The following VMP1 variants were observed in gnomAD, a reference collection of about 807,000 sequenced individuals.
The protein encoded by VMP1 is vacuole membrane protein 1.
A neutral mutation model predicts 56.0 loss-of-function variants in VMP1; 11 were observed. That is an observed-to-expected ratio of 0.20 (90% CI 0.12 to 0.32). The LOEUF (loss-of-function observed/expected upper bound fraction) is 0.32. Ranked by LOEUF, VMP1 falls within the 10% of genes least tolerant of loss-of-function variation. VMP1 has a pLI of 1.00. For missense variants in VMP1, 296 were observed against 490.3 expected, an observed-to-expected ratio of 0.60 and a Z score of 3.74; for synonymous variants, 149 against 165.0, an observed-to-expected ratio of 0.90 and a Z score of 0.74.
chr17:59,789,783 G>A (rs1284736018), intron 7 of VMP1, among the ~76,000 whole-genome samples: 2 of 146,754 alleles, frequency 1.4e-5, no homozygotes, highest in Non-Finnish European at 1.5e-5. Context: ...TCAATCTGCA[G>A]TTCTTTCTCT....
intron 5 of VMP1, among the ~76,000 whole-genome samples, chr17:59,760,247 A>G (rs2036001986): frequency 6.6e-6 from 1 of 152,138 alleles, no homozygotes; most frequent in African/African-American, 2.4e-5. Flanking sequence ...ACCTTATAAT[A>G]GTGTTCTTCA....
At chr17:59,713,675 C>T (rs2034023635) in intron 1 of VMP1, among the ~76,000 whole-genome samples, 1 of 146,532 alleles carries the variant, frequency 6.8e-6, no homozygotes, top group African/African-American at 2.6e-5. Flanking sequence ...TGGCAAAACC[C>T]CATCTCTCTT....
chr17:59,747,239 C>G (rs528161545), intron 5 of VMP1, among the ~76,000 whole-genome samples: 1 of 152,080 alleles, frequency 6.6e-6, no homozygotes, highest in Non-Finnish European at 1.5e-5. Flanking sequence ...AATAGTTTCT[C>G]GCATTCGTTC....
At chr17:59,800,452 G>T (rs1319322771) in intron 7 of VMP1, among the ~76,000 whole-genome samples, 1 of 152,180 alleles carries the variant, frequency 6.6e-6, no homozygotes, top group Non-Finnish European at 1.5e-5. Flanking sequence ...GGTGGCACAA[G>T]AGCTTCACAA....
intron 5 of VMP1, among the ~76,000 whole-genome samples, chr17:59,750,274 T>A (rs1262443719): frequency 5.9e-5 from 9 of 151,920 alleles, no homozygotes; most frequent in African/African-American, 2.2e-4. Context: ...TTTACTTAAA[T>A]TTAGACAAAA....
At chr17:59,743,661 G>A (rs1348373738) in intron 5 of VMP1, among the ~76,000 whole-genome samples, 1 of 150,248 alleles carries the variant, frequency 6.7e-6, no homozygotes, top group East Asian at 1.9e-4. Context: ...TAGATCCTGA[G>A]TATAATATAT....
chr17:59,754,064 C>T (rs927171027), intron 5 of VMP1, among the ~76,000 whole-genome samples: 5 of 152,026 alleles, frequency 3.3e-5, no homozygotes, highest in Non-Finnish European at 5.9e-5. Flanking sequence ...TTGTGAGATA[C>T]GTGCCCCTGT....
Position 59,839,917 on chromosome 17 carries a change from GA to G in VMP1, c.*9del. ...CAGAGGAGAAAACTAAATAAGTAGA[GA>G]AAGTTTTAAACTGCAGAAATTGGAG... On this transcript the variant is annotated 3_prime_UTR_variant, in exon 12 of 12. Coordinates refer to ENST00000262291, the MANE Select transcript of VMP1 (RefSeq NM_030938.5). 1 of 1,609,980 alleles carries G rather than the reference GA, an allele frequency of 6.2e-7. No homozygotes were observed. Among genetic ancestry groups the G allele is most frequent in the Non-Finnish European group, 8.5e-7 (1 of 1,179,242 alleles).
intron 7 of VMP1, among the ~76,000 whole-genome samples, chr17:59,792,890 T>A (rs1415700249): frequency 2.8e-5 from 3 of 106,184 alleles, no homozygotes; most frequent in Admixed American, 9.7e-5. Context: ...ATTATTATTA[T>A]TATCAGATGA....
chr17:59,759,534 C>T (rs2035965270), intron 5 of VMP1, among the ~76,000 whole-genome samples: 1 of 152,132 alleles, frequency 6.6e-6, no homozygotes, highest in Non-Finnish European at 1.5e-5. Context: ...ATCATTTGTT[C>T]CTATGAATCT....
intron 10 of VMP1, among the ~76,000 whole-genome samples, chr17:59,832,687 G>A (rs977423094): frequency 7.3e-5 from 11 of 150,630 alleles, no homozygotes; most frequent in Admixed American, 2.0e-4. Flanking sequence ...TTCGCCTCCC[G>A]GGTTCAAGCG....
At chr17:59,834,414 G>A (rs567658224) in intron 10 of VMP1, among the ~76,000 whole-genome samples, 80 of 152,178 alleles carry the variant, frequency 5.3e-4, no homozygotes, top group Non-Finnish European at 9.6e-4. Context: ...ACAGGCATGT[G>A]CCACCGTGCC....
chr17:59,809,073 C>T (rs1256425425), intron 8 of VMP1, among the ~76,000 whole-genome samples, 197 bp downstream of exon 8: 2 of 151,542 alleles, frequency 1.3e-5, no homozygotes, highest in East Asian at 3.9e-4. Flanking sequence ...GATCTCGGCT[C>T]ACTGCAACCT....
At chr17:59,806,904 T>G (rs2037860435) in intron 7 of VMP1, among the ~76,000 whole-genome samples, 1 of 152,120 alleles carries the variant, frequency 6.6e-6, no homozygotes, top group Non-Finnish European at 1.5e-5. Context: ...TTATATTGAC[T>G]GATCATATTT....
chr17:59,778,268 G>C (rs553951793), intron 7 of VMP1, among the ~76,000 whole-genome samples: 42 of 152,008 alleles, frequency 2.8e-4, no homozygotes, highest in Non-Finnish European at 5.7e-4. Context: ...AAGGCCGGGC[G>C]CAGTGGCTCA....
Position 59,822,108 on chromosome 17 carries a change from C to T in VMP1, c.974+4335C>T, listed in dbSNP as rs574123280. 3.9e-5 allele frequency among the ~76,000 whole-genome samples: 6 copies of T among 152,214 alleles called. No homozygotes were observed. The South Asian group carries it at 1.2e-3, about 32-fold the overall frequency. ...CCGCCCACCTCAGCCTTCCAAAGTG[C>T]TGCGATTACAAGAGTGAGCCACTGT... On this transcript the variant is annotated intron_variant, in intron 10 of 11. Coordinates refer to ENST00000262291, the MANE Select transcript of VMP1 (RefSeq NM_030938.5).
intron 8 of VMP1, 42 bp from the exon 9 acceptor site, chr17:59,811,628 C>T: frequency 6.9e-7 from 1 of 1,441,680 alleles, no homozygotes; most frequent in Non-Finnish European, 9.7e-7. Context: ...TTAAATTGTT[C>T]TTTGGATTAT....
intron 3 of VMP1, 88 bp downstream of exon 3, chr17:59,735,561 C>T: frequency 7.1e-7 from 1 of 1,408,734 alleles, no homozygotes. Context: ...CTGCCCTCTA[C>T]TCCATCAAAA....
chr17:59,710,696 T>C (rs2033884452), intron 1 of VMP1, among the ~76,000 whole-genome samples: 1 of 152,240 alleles, frequency 6.6e-6, no homozygotes. Flanking sequence ...ATGACTGTCA[T>C]GTGTTGAGTT....
Sources: gnomAD v4.1 joint callset for allele counts (sites outside exome capture counted in the v4.1 genomes callset) on GRCh38, gnomAD v4.1.1 for gene constraint, MANE v1.5 for transcripts, NCBI Gene and HGNC (gene_info 2026-07-23, HGNC 2026-07-21) for gene names.